The following HMCN1 variants were observed in gnomAD, a reference collection of about 807,000 sequenced individuals.
HMCN1 encodes the protein hemicentin-1.
In HMCN1, 321 loss-of-function variants were observed where a neutral mutation model predicts 625.9. That is an observed-to-expected ratio of 0.51 (90% confidence interval 0.47 to 0.56). The LOEUF is 0.56. Among genes scored for constraint, HMCN1 ranks in the 20% least tolerant of loss-of-function variants. The pLI, the probability that HMCN1 is intolerant of heterozygous loss-of-function variation, is 0.00. For missense variants in HMCN1, 6,588 were observed against 6,887.3 expected (o/e 0.96, Z 1.54); for synonymous variants, 2,425 against 2,417.6 (o/e 1.00, Z -0.09).
At chr1:185,981,203 C>G in intron 17 of HMCN1, 130 bp downstream of exon 17, 1 of 680,998 alleles carries the variant, frequency 1.5e-6, no homozygotes, top group Admixed American at 2.1e-5. Flanking sequence ...CCAGCCTTCC[C>G]TTCCCTGCCA....
chr1:186,017,076 G>C lies in HMCN1; in HGVS notation c.5300+5G>C, dbSNP rs767656003. On this transcript the variant is annotated splice_donor_5th_base_variant and intron_variant, in intron 33 of 106. Transcript: ENST00000271588. ...CTCTCCCCCACCAACTATCATGTAA[G>C]GGTTTTGGTATGTCTTCTAAATACC... is the stretch of plus-strand genomic sequence containing the variant. 6.6e-7 allele frequency: 1 copy of C among 1,516,548 alleles called. No homozygotes were observed. The highest frequency in any genetic ancestry group is 2.3e-5 in the East Asian group (1 of 44,334). 93.9% of individuals were successfully genotyped at this position (1,516,548 alleles called of 1,614,324 possible).
intron 1 of HMCN1, among the ~76,000 whole-genome samples, chr1:185,801,701 G>A (rs986390228): frequency 6.6e-6 from 1 of 152,180 alleles, no homozygotes; most frequent in African/African-American, 2.4e-5. Flanking sequence ...AGGAAAGGTA[G>A]AGGGAAGAAC....
intron 2 of HMCN1, among the ~76,000 whole-genome samples, chr1:185,853,464 G>A (rs1662283872): frequency 6.6e-6 from 1 of 152,098 alleles, no homozygotes; most frequent in Admixed American, 6.6e-5. Context: ...TGATTTTTAT[G>A]TTTAGTGTTG....
At chr1:185,935,790 T>G (rs558844153) in intron 11 of HMCN1, among the ~76,000 whole-genome samples, 2 of 152,130 alleles carry the variant, frequency 1.3e-5, no homozygotes, top group East Asian at 3.8e-4. Flanking sequence ...TAACAGACTT[T>G]TGCTAATTGT....
chr1:186,146,139 A>G (rs1435115986), intron 93 of HMCN1, among the ~76,000 whole-genome samples: 3 of 152,132 alleles, frequency 2.0e-5, no homozygotes, highest in Non-Finnish European at 2.9e-5. Context: ...GTAAAAGGAT[A>G]TAGTCCTGGC....
At chr1:185,924,494 G>A (rs1667174815) in intron 8 of HMCN1, among the ~76,000 whole-genome samples, 1 of 152,038 alleles carries the variant, frequency 6.6e-6, no homozygotes, top group African/African-American at 2.4e-5. Context: ...ACATAAGATA[G>A]TGATTTGGGA....
At position 186,048,185 on chromosome 1, in the gene HMCN1, G is replaced by A. The variant is rs12064653; in HGVS notation, c.6481-558G>A. Among the ~76,000 whole-genome samples the A allele has an allele frequency of 6.1e-3, 929 of 152,164 alleles. 13 individuals are homozygous for A. The highest frequency in any genetic ancestry group is 0.021 in the African/African-American group (867 of 41,530). ...ACAAGGGTTGTAATAACTGCAGATG[G>A]TCAATGGATGAATCAGCATTGATGC... On this transcript the variant is annotated intron_variant, in intron 41 of 106. Coordinates refer to ENST00000271588, the MANE Select transcript of HMCN1 (RefSeq NM_031935.3).
chr1:185,793,366 A>G (rs368365844), intron 1 of HMCN1, among the ~76,000 whole-genome samples: 1 of 152,128 alleles, frequency 6.6e-6, no homozygotes, highest in Non-Finnish European at 1.5e-5. Context: ...TCCTTGCTTC[A>G]TGCTGGCTTC....
intron 1 of HMCN1, among the ~76,000 whole-genome samples, chr1:185,780,903 G>T (rs1214602129): frequency 6.6e-6 from 1 of 152,154 alleles, no homozygotes; most frequent in Non-Finnish European, 1.5e-5. Flanking sequence ...CTATTGATTG[G>T]AATAGTTTCA....
chr1:185,983,250 T>C (rs767155252), intron 18 of HMCN1, among the ~76,000 whole-genome samples: 4 of 152,124 alleles, frequency 2.6e-5, no homozygotes, highest in Non-Finnish European at 5.9e-5. Flanking sequence ...TCTATGGCAA[T>C]ACATTTTCTT....
intron 93 of HMCN1, among the ~76,000 whole-genome samples, chr1:186,150,255 T>TTTAAAGC (rs1650586230): frequency 1.3e-5 from 2 of 152,214 alleles, no homozygotes; most frequent in Non-Finnish European, 2.9e-5. Context: ...ATACATCAGA[T>TTTAAAGC]AATGAATATT....
intron 4 of HMCN1, among the ~76,000 whole-genome samples, chr1:185,876,264 A>T (rs1336844278): frequency 2.0e-5 from 3 of 152,086 alleles, no homozygotes; most frequent in East Asian, 3.8e-4. Context: ...TTTATAGCAG[A>T]ATAGTATTCT....
chr1:186,148,225 G>A (rs962866638), intron 93 of HMCN1, among the ~76,000 whole-genome samples: 20 of 152,156 alleles, frequency 1.3e-4, no homozygotes, highest in Non-Finnish European at 2.4e-4. Flanking sequence ...TTTATCATAA[G>A]ATTGTAGCAA....
chr1:186,067,071 C>T (rs1658165512), intron 49 of HMCN1, among the ~76,000 whole-genome samples: 1 of 152,172 alleles, frequency 6.6e-6, no homozygotes, highest in East Asian at 1.9e-4. Context: ...CCTAAATGAG[C>T]AAATCTTTCT....
At chr1:186,096,787 A>G (rs1660158347) in intron 68 of HMCN1, among the ~76,000 whole-genome samples, 1 of 152,138 alleles carries the variant, frequency 6.6e-6, no homozygotes, top group African/African-American at 2.4e-5. Flanking sequence ...GATAGGACAA[A>G]AATCATATGA....
At chr1:185,949,301 G>T (rs1338933571) in intron 11 of HMCN1, among the ~76,000 whole-genome samples, 2 of 151,716 alleles carry the variant, frequency 1.3e-5, no homozygotes, top group Non-Finnish European at 2.9e-5. Flanking sequence ...GGGATGACAA[G>T]TTTTTTTGGG....
chr1:186,139,954 T>C (rs1649847642), intron 89 of HMCN1, among the ~76,000 whole-genome samples: 1 of 152,130 alleles, frequency 6.6e-6, no homozygotes, highest in Non-Finnish European at 1.5e-5. Flanking sequence ...AGAAGATACT[T>C]GGCTTTAGTA....
At chr1:186,126,654 A>G (rs61831315) in intron 82 of HMCN1, among the ~76,000 whole-genome samples, 4,850 of 152,288 alleles carry the variant, frequency 0.032, 125 homozygotes, top group Middle Eastern at 0.099. Context: ...GGTAGAGCAA[A>G]GAACTTGAGG....
chr1:185,766,572 T>C (rs932528388), intron 1 of HMCN1, among the ~76,000 whole-genome samples: 1 of 152,124 alleles, frequency 6.6e-6, no homozygotes, highest in Admixed American at 6.6e-5. Flanking sequence ...TAAACAGATC[T>C]TTGAGAAGTT....
Sources: gnomAD v4.1 joint callset for allele counts (sites outside exome capture counted in the v4.1 genomes callset) on GRCh38, gnomAD v4.1.1 for gene constraint, MANE v1.5 for transcripts, NCBI Gene and HGNC (gene_info 2026-07-23, HGNC 2026-07-21) for gene names.